Variants in RNLS observed in about 807,000 individuals in gnomAD.
RNLS encodes the protein renalase.
RNLS carries 39 observed loss-of-function variants against 39.8 expected under a neutral mutation model. The ratio of observed to expected loss-of-function variants is 0.98; its 90% CI spans 0.76 to 1.28. The LOEUF (loss-of-function observed/expected upper bound fraction) is 1.28, where lower values mean the gene tolerates loss of function less well. Among genes scored for constraint, RNLS ranks in the 50% most tolerant of loss-of-function variants. The pLI is 0.00. For synonymous variants in RNLS, 147 were observed against 150.7 expected (o/e 0.98, Z 0.18); for missense variants, 410 against 413.3 (o/e 0.99, Z 0.07).
intron 4 of RNLS, among the ~76,000 whole-genome samples, chr10:88,544,838 T>C (rs1273510131): frequency 1.3e-5 from 2 of 152,232 alleles, no homozygotes. Context: ...ATGGAAAGGA[T>C]GCTTTCATAT....
chr10:88,434,487 T>G (rs1224572735), intron 4 of RNLS, among the ~76,000 whole-genome samples: 1 of 152,182 alleles, frequency 6.6e-6, no homozygotes, highest in Non-Finnish European at 1.5e-5. Flanking sequence ...AATTATTTGA[T>G]GCATGTGTAA....
At chr10:88,258,354 A>G in the RNLS span, among the ~76,000 whole-genome samples, 1 of 152,224 alleles carries the variant, frequency 6.6e-6, no homozygotes, top group African/African-American at 2.4e-5. Flanking sequence ...ATTAAATAAA[A>G]TCTAATTTGA....
intron 4 of RNLS, among the ~76,000 whole-genome samples, chr10:88,408,282 T>C (rs547325784): frequency 4.6e-5 from 7 of 152,246 alleles, no homozygotes; most frequent in African/African-American, 1.4e-4. Flanking sequence ...TGCAATGAGA[T>C]GAAACTTCTC....
At chr10:88,223,383 T>C in the RNLS span, among the ~76,000 whole-genome samples, 1 of 152,194 alleles carries the variant, frequency 6.6e-6, no homozygotes, top group Admixed American at 6.6e-5. Flanking sequence ...AGCAAAAATA[T>C]TCCCACAAAA....
In RNLS at chr10:88,284,578, A is replaced by G; in HGVS notation, c.*776T>C. On this transcript the variant is annotated 3_prime_UTR_variant, in exon 7 of 7. Transcript: ENST00000331772. Reference sequence around the variant, plus strand: ...CGACACAGTCTAAATGCCACAGCACATACTGGAGAACCCATAAAGTAACAG... The same window carrying G: ...CGACACAGTCTAAATGCCACAGCACGTACTGGAGAACCCATAAAGTAACAG... The G allele has an allele frequency of 1.0e-6, 1 of 985,322 alleles. No individual in the cohort carries two copies. The highest frequency in any genetic ancestry group is 1.2e-6 in the Non-Finnish European group (1 of 829,832). 61.0% of individuals were successfully genotyped at this position (985,322 alleles called of 1,614,324 possible).
At chr10:88,238,455 A>G in the RNLS span, among the ~76,000 whole-genome samples, 1 of 152,252 alleles carries the variant, frequency 6.6e-6, no homozygotes, top group African/African-American at 2.4e-5. Context: ...TTTGCATCTG[A>G]GTAAACAGGG....
chr10:88,189,459 C>T, the RNLS span, among the ~76,000 whole-genome samples: 1 of 151,790 alleles, frequency 6.6e-6, no homozygotes, highest in Non-Finnish European at 1.5e-5. Context: ...GGGGTTTAAC[C>T]AGAACCTATG....
At chr10:88,410,277 A>G (rs764170081) in intron 4 of RNLS, among the ~76,000 whole-genome samples, 2 of 152,128 alleles carry the variant, frequency 1.3e-5, no homozygotes, top group African/African-American at 2.4e-5. Context: ...TGAAATTTCG[A>G]CCATAATTTA....
At chr10:88,514,162 T>C (rs1302206880) in intron 4 of RNLS, among the ~76,000 whole-genome samples, 17 of 150,534 alleles carry the variant, frequency 1.1e-4, no homozygotes. Flanking sequence ...TAGTTTCACA[T>C]GGCTGGGGAG....
At chr10:88,182,630 C>T in the RNLS span, among the ~76,000 whole-genome samples, 7 of 151,936 alleles carry the variant, frequency 4.6e-5, no homozygotes, top group Non-Finnish European at 1.0e-4. Flanking sequence ...CAGAATTATA[C>T]ATAAGTAGTA....
intron 4 of RNLS, among the ~76,000 whole-genome samples, chr10:88,381,163 C>T (rs756557413): frequency 2.6e-5 from 4 of 152,152 alleles, no homozygotes; most frequent in Non-Finnish European, 4.4e-5. Flanking sequence ...AATAAACTCG[C>T]CAAGTGCCTT....
downstream of RNLS, among the ~76,000 whole-genome samples, chr10:88,272,749 G>GT (rs1043635082): frequency 1.3e-5 from 2 of 151,958 alleles, no homozygotes; most frequent in Admixed American, 6.6e-5. Context: ...TGTTGTCTTC[G>GT]TTTTTTTAAG....
the RNLS span, among the ~76,000 whole-genome samples, chr10:88,190,871 A>G: frequency 6.6e-6 from 1 of 152,184 alleles, no homozygotes; most frequent in Admixed American, 6.5e-5. Context: ...TTGTGCAGCC[A>G]TCCTCACTAC....
intron 4 of RNLS, among the ~76,000 whole-genome samples, chr10:88,501,147 A>G (rs1329738303): frequency 2.0e-5 from 3 of 152,002 alleles, no homozygotes; most frequent in African/African-American, 2.4e-5. Context: ...CTTGATTATT[A>G]TTAGAAAAGG....
chr10:88,440,329 T>G (rs1841640406), intron 4 of RNLS, among the ~76,000 whole-genome samples: 1 of 152,188 alleles, frequency 6.6e-6, no homozygotes, highest in Admixed American at 6.5e-5. Flanking sequence ...TTGATACTCC[T>G]CCAATCAAAG....
intron 5 of RNLS, among the ~76,000 whole-genome samples, chr10:88,318,169 G>A (rs571444208): frequency 3.3e-5 from 5 of 152,276 alleles, no homozygotes; most frequent in East Asian, 3.9e-4. Context: ...ACCACACCAC[G>A]AGATTCCCCA....
At chr10:88,329,097 T>G (rs1846880118) in intron 5 of RNLS, among the ~76,000 whole-genome samples, 1 of 151,662 alleles carries the variant, frequency 6.6e-6, no homozygotes, top group Non-Finnish European at 1.5e-5. Context: ...TTTTTTTTTT[T>G]GCTCTCTCAC....
At chr10:88,500,556 A>C (rs1845418186) in intron 4 of RNLS, among the ~76,000 whole-genome samples, 1 of 152,146 alleles carries the variant, frequency 6.6e-6, no homozygotes, top group Non-Finnish European at 1.5e-5. Context: ...CACTCAAGAC[A>C]AAAGCAATTT....
At chr10:88,222,772 T>TG in the RNLS span, among the ~76,000 whole-genome samples, 1 of 152,122 alleles carries the variant, frequency 6.6e-6, no homozygotes, top group African/African-American at 2.4e-5. Context: ...CACAAGACTG[T>TG]GGGGAATTGA....
Sources: allele counts gnomAD v4.1 joint callset (sites outside exome capture counted in the v4.1 genomes callset), GRCh38; gene constraint gnomAD v4.1.1; transcripts MANE v1.5; gene names NCBI Gene and HGNC (gene_info 2026-07-23, HGNC 2026-07-21).